Variants in LRRC4C observed in about 807,000 individuals in gnomAD.
LRRC4C encodes leucine-rich repeat-containing protein 4C.
In LRRC4C, 5 loss-of-function variants were observed where a neutral mutation model predicts 33.6. The ratio of observed to expected loss-of-function variants is 0.15; its 90% CI spans 0.08 to 0.31. The LOEUF is 0.31. LRRC4C is among the 10% of genes least tolerant of loss of function. The probability of loss-of-function intolerance (pLI) is 1.00; values close to 1 mark genes in which losing one functional copy is unlikely to be tolerated. For missense variants in LRRC4C, 560 were observed against 796.7 expected (o/e 0.70, Z 3.58); for synonymous variants, 329 against 302.0 (o/e 1.09, Z -0.93).
At chr11:40,834,721 T>C (rs1952583054) in intron 2 of LRRC4C, among the ~76,000 whole-genome samples, 1 of 152,096 alleles carries the variant, frequency 6.6e-6, no homozygotes. Context: ...GGCTTAATAA[T>C]GGACACAGGC....
chr11:40,222,399 C>T (rs961468629), intron 5 of LRRC4C, among the ~76,000 whole-genome samples: 1 of 152,144 alleles, frequency 6.6e-6, no homozygotes, highest in Non-Finnish European at 1.5e-5. Flanking sequence ...TATTACTATG[C>T]TATTATTAAA....
chr11:40,985,006 A>G (rs965067903), intron 1 of LRRC4C, among the ~76,000 whole-genome samples: 1 of 142,296 alleles, frequency 7.0e-6, no homozygotes. Flanking sequence ...GGTTCAAGCG[A>G]TTCTCCTGCC....
At chr11:41,420,894 T>G (rs1954852274) in intron 1 of LRRC4C, among the ~76,000 whole-genome samples, 1 of 152,014 alleles carries the variant, frequency 6.6e-6, no homozygotes, top group Admixed American at 6.6e-5. Flanking sequence ...TTACAACTAT[T>G]CAATAGATGA....
intron 2 of LRRC4C, among the ~76,000 whole-genome samples, chr11:40,781,316 T>C (rs764757945): frequency 2.0e-5 from 3 of 151,886 alleles, no homozygotes; most frequent in Non-Finnish European, 4.4e-5. Flanking sequence ...TGTGTGTACA[T>C]ACACACACAC....
At chr11:41,043,870 C>A (rs1334554905) in intron 1 of LRRC4C, among the ~76,000 whole-genome samples, 1 of 151,950 alleles carries the variant, frequency 6.6e-6, no homozygotes, top group African/African-American at 2.4e-5. Context: ...TACCTCATTT[C>A]TCACCTGAAC....
chr11:40,304,135 A>C lies in LRRC4C; in HGVS notation c.-176+15493T>G, dbSNP rs145549826. 3.9e-4 allele frequency among the ~76,000 whole-genome samples: 60 copies of C among 152,280 alleles called. No individual in the cohort carries two copies. In the East Asian group the frequency reaches 0.011, roughly 27 times the overall value. Reference sequence around the variant, plus strand: ...ACTATTTCAGAAGCTCCCTCCATAGAGGCCTACAGACCTGTATCAAGTCAT... The same window carrying C: ...ACTATTTCAGAAGCTCCCTCCATAGCGGCCTACAGACCTGTATCAAGTCAT... On this transcript the variant is annotated intron_variant, in intron 4 of 6. Coordinates refer to ENST00000528697, the MANE Select transcript of LRRC4C (RefSeq NM_001258419.2).
chr11:41,373,880 C>T (rs960219887), intron 1 of LRRC4C, among the ~76,000 whole-genome samples: 5 of 152,114 alleles, frequency 3.3e-5, no homozygotes, highest in Admixed American at 1.3e-4. Flanking sequence ...GTCCAATATT[C>T]AGTTAAATAT....
chr11:40,859,679 G>A (rs542566384), intron 2 of LRRC4C, among the ~76,000 whole-genome samples: 1 of 152,112 alleles, frequency 6.6e-6, no homozygotes, highest in East Asian at 1.9e-4. Flanking sequence ...TTTCACACTC[G>A]CCAAAAGATG....
chr11:41,357,048 TA>T (rs141425454), intron 1 of LRRC4C, among the ~76,000 whole-genome samples: 4 of 150,680 alleles, frequency 2.7e-5, no homozygotes, highest in Admixed American at 6.6e-5. Context: ...ACCCAGAAAT[TA>T]AAAAAAAATA....
At chr11:40,523,476 T>C (rs1318553752) in intron 3 of LRRC4C, among the ~76,000 whole-genome samples, 1 of 150,890 alleles carries the variant, frequency 6.6e-6, no homozygotes, top group Non-Finnish European at 1.5e-5. Context: ...CCTGCAGTCT[T>C]ACTGATTTCT....
intron 1 of LRRC4C, among the ~76,000 whole-genome samples, chr11:41,392,697 T>G (rs1398052996): frequency 6.6e-6 from 1 of 151,522 alleles, no homozygotes; most frequent in Non-Finnish European, 1.5e-5. Context: ...GATATCCTTA[T>G]GAAAAGGTCA....
intron 1 of LRRC4C, among the ~76,000 whole-genome samples, chr11:41,031,815 T>C (rs1001968987): frequency 3.9e-5 from 6 of 151,978 alleles, no homozygotes; most frequent in Admixed American, 2.6e-4. Flanking sequence ...CAGCATAAAT[T>C]GGGCTGTTCC....
At chr11:40,166,889 A>G (rs946090958) in intron 5 of LRRC4C, among the ~76,000 whole-genome samples, 6 of 152,130 alleles carry the variant, frequency 3.9e-5, no homozygotes, top group African/African-American at 1.4e-4. Context: ...TAACATGTAC[A>G]TTTTATTCTG....
chr11:41,361,635 A>T (rs1952359034), intron 1 of LRRC4C, among the ~76,000 whole-genome samples: 1 of 152,260 alleles, frequency 6.6e-6, no homozygotes, highest in Non-Finnish European at 1.5e-5. Flanking sequence ...AATTGTACAT[A>T]AATATCAATG....
At chr11:41,174,554 T>G (rs954108155) in intron 1 of LRRC4C, among the ~76,000 whole-genome samples, 8 of 152,108 alleles carry the variant, frequency 5.3e-5, no homozygotes, top group African/African-American at 1.9e-4. Flanking sequence ...TGCCTGGATT[T>G]TTTTTTAAAT....
At chr11:40,726,020 C>T (rs1394405591) in intron 2 of LRRC4C, among the ~76,000 whole-genome samples, 2 of 152,066 alleles carry the variant, frequency 1.3e-5, no homozygotes, top group Non-Finnish European at 2.9e-5. Context: ...ACTTCTATAT[C>T]CACACAAACC....
intron 3 of LRRC4C, among the ~76,000 whole-genome samples, chr11:40,401,735 T>C (rs1439880293): frequency 1.3e-5 from 2 of 152,016 alleles, no homozygotes; most frequent in Non-Finnish European, 2.9e-5. Context: ...AGGGGAAAAA[T>C]AATAAAGTGA....
intron 2 of LRRC4C, among the ~76,000 whole-genome samples, chr11:40,764,822 C>T (rs1949377597): frequency 6.6e-6 from 1 of 152,126 alleles, no homozygotes; most frequent in South Asian, 2.1e-4. Flanking sequence ...TTGGATTTTA[C>T]CCAAGATCAC....
At chr11:41,027,875 C>T (rs758632804) in intron 1 of LRRC4C, among the ~76,000 whole-genome samples, 1 of 151,666 alleles carries the variant, frequency 6.6e-6, no homozygotes, top group Non-Finnish European at 1.5e-5. Flanking sequence ...CTTCATGTTG[C>T]TATCTCATTC....
Sources: gnomAD v4.1 joint callset for allele counts (sites outside exome capture counted in the v4.1 genomes callset) on GRCh38, gnomAD v4.1.1 for gene constraint, MANE v1.5 for transcripts, NCBI Gene and HGNC (gene_info 2026-07-23, HGNC 2026-07-21) for gene names.